The following SNX27 variants were observed in gnomAD, a reference collection of about 807,000 sequenced individuals.
SNX27 encodes the protein sorting nexin 27.
SNX27 carries 22 observed loss-of-function variants against 71.6 expected under a neutral mutation model. The observed-to-expected ratio is 0.31, with a 90% CI of 0.22 to 0.44. The LOEUF is 0.44. Ranked by LOEUF, SNX27 falls within the 20% of genes least tolerant of loss-of-function variation. The probability of loss-of-function intolerance (pLI) is 1.00; values close to 1 mark genes in which losing one functional copy is unlikely to be tolerated. For missense variants in SNX27, 531 were observed against 698.6 expected (o/e 0.76, Z 2.70); for synonymous variants, 269 against 277.2 (o/e 0.97, Z 0.29).
rs1176880587 is a variant in SNX27 at position 151,694,616 on chromosome 1, G to A, written c.*199G>A. 1.4e-5 allele frequency: 7 copies of A among 503,986 alleles called. No homozygotes were observed. In the East Asian group the frequency reaches 1.7e-4, roughly 12 times the overall value. The allele number at this position is 503,986 out of a possible 1,614,324, so 31.2% of individuals were successfully genotyped here. A position where few individuals can be genotyped will look rare whatever the true frequency, so the allele number is the denominator to read the frequency against. ...TTGAGGTGGTAGTGAACAGCAGATC[G>A]GTCAGCACCAGAAGTCAACTGAGTT... On this transcript the variant is annotated 3_prime_UTR_variant, in exon 12 of 12. Coordinates refer to ENST00000458013, the MANE Select transcript of SNX27 (RefSeq NM_001330723.2).
intron 1 of SNX27, among the ~76,000 whole-genome samples, chr1:151,624,755 A>AT (rs1245990352): frequency 6.6e-6 from 1 of 151,934 alleles, no homozygotes; most frequent in Non-Finnish European, 1.5e-5. Flanking sequence ...TTTTATATTT[A>AT]TTTTTTAAAT....
intron 2 of SNX27, among the ~76,000 whole-genome samples, chr1:151,642,216 G>T (rs113840270): frequency 2.6e-5 from 4 of 151,598 alleles, no homozygotes; most frequent in Non-Finnish European, 2.9e-5. Flanking sequence ...GTGAAACCCC[G>T]TCTCTACTAA....
chr1:151,624,291 A>G (rs761938979), intron 1 of SNX27, among the ~76,000 whole-genome samples: 2 of 151,886 alleles, frequency 1.3e-5, no homozygotes, highest in Admixed American at 6.6e-5. Flanking sequence ...AGAATTTTGT[A>G]TTCTACTAAG....
At chr1:151,650,647 CAG>C (rs981098791) in intron 2 of SNX27, among the ~76,000 whole-genome samples, 40 of 151,762 alleles carry the variant, frequency 2.6e-4, no homozygotes, top group Admixed American at 2.0e-3. Context: ...GTGTTTCTCA[CAG>C]GGGGGATTTG....
chr1:151,696,294 C>A lies in SNX27; in HGVS notation c.*1877C>A, dbSNP rs1671701779. 6.6e-6 allele frequency: 1 copy of A among 152,174 alleles called. No homozygotes were observed. Among genetic ancestry groups the A allele is most frequent in the South Asian group, 2.1e-4 (1 of 4,828 alleles). The allele number at this position is 152,174 out of a possible 1,614,324, so 9.4% of individuals were successfully genotyped here. ...ACTAAAACACATCTTTGAGCCTTTT[C>A]TTTTTCCCTTCTCCCCTTTCTAAAC... On this transcript the variant is annotated 3_prime_UTR_variant, in exon 12 of 12. Coordinates refer to ENST00000458013, the MANE Select transcript of SNX27 (RefSeq NM_001330723.2).
chr1:151,666,027 T>A lies in SNX27; in HGVS notation c.985+16T>A, dbSNP rs759030599. On this transcript the variant is annotated intron_variant, in intron 6 of 11. Coordinates refer to ENST00000458013, the MANE Select transcript of SNX27 (RefSeq NM_001330723.2). Reference sequence around the variant, plus strand: ...CACTCCTTTGGTAAGTACCAGTGGCTGATACTAAGTTTTGTTTTCTAATAC... The same window carrying A: ...CACTCCTTTGGTAAGTACCAGTGGCAGATACTAAGTTTTGTTTTCTAATAC... 1.9e-6 allele frequency: 3 copies of A among 1,595,450 alleles called. No individual in the cohort carries two copies. Among genetic ancestry groups the A allele is most frequent in the African/African-American group, 1.3e-5 (1 of 74,388 alleles).
intron 5 of SNX27, among the ~76,000 whole-genome samples, chr1:151,663,416 C>T (rs1181937076): frequency 2.0e-5 from 3 of 152,104 alleles, no homozygotes; most frequent in African/African-American, 4.8e-5. Context: ...TCCCAAAGTG[C>T]TGGGATTACA....
In SNX27 at chr1:151,697,226, A is replaced by G. The variant is rs1378004068; in HGVS notation, c.*2809A>G. 6.9e-6 allele frequency: 1 copy of G among 144,428 alleles called. No individual in the cohort carries two copies. Among genetic ancestry groups the G allele is most frequent in the East Asian group, 4.4e-4 (1 of 2,274 alleles). The allele number at this position is 144,428 out of a possible 1,614,324, so 8.9% of individuals were successfully genotyped here. ...TGTTGATTTCCCACTCCTAGATGCTAAAGAGACTTGGCACCAGCTTTGTTC... is the reference window on the plus strand; with the variant it reads ...TGTTGATTTCCCACTCCTAGATGCTGAAGAGACTTGGCACCAGCTTTGTTC... On this transcript the variant is annotated 3_prime_UTR_variant, in exon 12 of 12. Coordinates refer to ENST00000458013, the MANE Select transcript of SNX27 (RefSeq NM_001330723.2).
At chr1:151,618,177 A>C (rs78635688) in intron 1 of SNX27, among the ~76,000 whole-genome samples, 1 of 151,902 alleles carries the variant, frequency 6.6e-6, no homozygotes, top group African/African-American at 2.4e-5. Flanking sequence ...ATTCAGTTAC[A>C]TTCATATAAA....
chr1:151,688,983 A>C (rs1262278979), intron 8 of SNX27, among the ~76,000 whole-genome samples: 1 of 152,190 alleles, frequency 6.6e-6, no homozygotes, highest in Non-Finnish European at 1.5e-5. Flanking sequence ...CACCAAGGGC[A>C]CAGGTGCCCT....
chr1:151,624,455 G>A (rs1184166126), intron 1 of SNX27, among the ~76,000 whole-genome samples: 8 of 124,028 alleles, frequency 6.5e-5, no homozygotes, highest in Non-Finnish European at 1.3e-4. Flanking sequence ...TTTTTGCGAT[G>A]GAGTCTTGCT....
Position 151,696,475 on chromosome 1 carries a change from T to TTC in SNX27, c.*2060_*2061dup, listed in dbSNP as rs1255888809. The TTC allele has an allele frequency of 1.4e-4, 17 of 119,394 alleles. No individual in the cohort carries two copies. Among genetic ancestry groups the TTC allele is most frequent in the Non-Finnish European group, 1.9e-4 (11 of 58,502 alleles). 7.4% of individuals were successfully genotyped at this position (119,394 alleles called of 1,614,324 possible). A position where few individuals can be genotyped will look rare whatever the true frequency, so the allele number is the denominator to read the frequency against. On this transcript the variant is annotated 3_prime_UTR_variant, in exon 12 of 12. Coordinates refer to ENST00000458013, the MANE Select transcript of SNX27 (RefSeq NM_001330723.2). ...GTGAGGCCACTTTTTCTTTCTTTCT[T>TTC]TCTTTCTTTCTTTCTTTCTTTCTTT... is the stretch of plus-strand genomic sequence containing the variant.
chr1:151,652,224 G>GGGAGAGGGAGAA (rs1558054271), intron 2 of SNX27, among the ~76,000 whole-genome samples: 6 of 116,584 alleles, frequency 5.1e-5, no homozygotes, highest in Non-Finnish European at 9.0e-5. Flanking sequence ...GAGAGGGAGA[G>GGGAGAGGGAGAA]GGAGAGGGAG....
chr1:151,621,149 A>C (rs1667657647), intron 1 of SNX27, among the ~76,000 whole-genome samples: 1 of 152,242 alleles, frequency 6.6e-6, no homozygotes, highest in African/African-American at 2.4e-5. Context: ...AAATAAGTTT[A>C]AGACCTGGTG....
At chr1:151,648,265 G>A (rs1164098828) in intron 2 of SNX27, among the ~76,000 whole-genome samples, 1 of 152,050 alleles carries the variant, frequency 6.6e-6, no homozygotes, top group Non-Finnish European at 1.5e-5. Flanking sequence ...ATGTTGCCCA[G>A]GCTGGTCTTG....
intron 6 of SNX27, 74 bp from the exon 7 acceptor site, chr1:151,668,398 C>T: frequency 1.5e-6 from 2 of 1,374,260 alleles, no homozygotes; most frequent in Middle Eastern, 1.9e-4. Flanking sequence ...TCTTGATCTG[C>T]CTTACATAGT....
At chr1:151,626,081 A>G (rs1391748511) in intron 1 of SNX27, among the ~76,000 whole-genome samples, 1 of 152,158 alleles carries the variant, frequency 6.6e-6, no homozygotes, top group Non-Finnish European at 1.5e-5. Flanking sequence ...GTGAGCCGAG[A>G]TGGCGCCACT....
chr1:151,652,095 T>G (rs982154197), intron 2 of SNX27, among the ~76,000 whole-genome samples: 19 of 151,534 alleles, frequency 1.3e-4, no homozygotes, highest in African/African-American at 2.2e-4. Flanking sequence ...GCAGGCTGAG[T>G]CAGGAGAATC....
intron 2 of SNX27, among the ~76,000 whole-genome samples, chr1:151,641,500 T>G (rs754133371): frequency 2.7e-5 from 4 of 150,916 alleles, no homozygotes; most frequent in Non-Finnish European, 5.9e-5. Context: ...ATTGATGAAG[T>G]AGCTGTTTAA....
Sources: allele counts gnomAD v4.1 joint callset (sites outside exome capture counted in the v4.1 genomes callset), GRCh38; gene constraint gnomAD v4.1.1; transcripts MANE v1.5; gene names NCBI Gene and HGNC (gene_info 2026-07-23, HGNC 2026-07-21).